Variants in ABCB5 observed in about 807,000 individuals in gnomAD.
ABCB5 encodes the protein ATP-binding cassette sub-family B member 5.
Under a neutral mutation model 144.2 loss-of-function variants are expected in ABCB5, and 155 were observed. The observed-to-expected ratio is 1.08, with a 90% CI of 0.94 to 1.23. ABCB5 has a LOEUF of 1.23. Ranked by LOEUF, ABCB5 falls within the 50% of genes most tolerant of loss-of-function variation. The pLI is 0.00. For missense variants in ABCB5, 1,830 were observed against 1,520.8 expected, an observed-to-expected ratio of 1.20 and a Z score of -3.38; for synonymous variants, 610 against 528.6, an observed-to-expected ratio of 1.15 and a Z score of -2.11.
intron 16 of ABCB5, among the ~76,000 whole-genome samples, chr7:20,695,152 T>C (rs774056196): frequency 6.6e-6 from 1 of 151,924 alleles, no homozygotes; most frequent in Non-Finnish European, 1.5e-5. Context: ...ATAAAGCTAA[T>C]TACTAATTCT....
intron 23 of ABCB5, among the ~76,000 whole-genome samples, chr7:20,730,026 A>C (rs773092966): frequency 1.6e-4 from 25 of 152,222 alleles, no homozygotes; most frequent in Non-Finnish European, 1.6e-4. Context: ...TCACATGAAA[A>C]TTTATTTATT....
rs778620806 is a variant in ABCB5 at position 20,753,472 on chromosome 7, A to G, written c.3542A>G (p.Glu1181Gly). 2.8e-5 allele frequency: 45 copies of G among 1,613,948 alleles called. No individual in the cohort carries two copies. The highest frequency in any genetic ancestry group is 3.8e-5 in the Non-Finnish European group (45 of 1,179,954). Residue 1181 changes from glutamate to glycine, a missense_variant, in exon 27 of 28, where the codon GAG becomes GGG. Coordinates refer to ENST00000404938, the MANE Select transcript of ABCB5 (RefSeq NM_001163941.2). Reference protein sequence around the residue: ...LQKPKILLLDEATSALDNDSE... With the variant: ...LQKPKILLLDGATSALDNDSE... The stretch of plus-strand genomic sequence containing the variant: ...AAACCCAAAATTTTATTGTTGGATG[A>G]GGCCACTTCAGCCCTCGATAATGAC...
At position 20,624,270 on chromosome 7, in the gene ABCB5, T is replaced by C. The variant is rs182507594; in HGVS notation, c.53+932T>C. ...GGCATATATTCCACAGGAAGCATTG[T>C]AACTGTACAGTTAAGAGTTTGGGTT... On this transcript the variant is annotated intron_variant, in intron 2 of 27. Coordinates refer to ENST00000404938, the MANE Select transcript of ABCB5 (RefSeq NM_001163941.2). Among the ~76,000 whole-genome samples, 465 of 152,340 alleles carry C rather than the reference T, an allele frequency of 3.1e-3. 11 individuals are homozygous for C. The highest frequency in any genetic ancestry group is 0.028 in the Admixed American group (425 of 15,304).
At chr7:20,685,555 G>A (rs1308765888) in intron 15 of ABCB5, 141 bp from the exon 16 acceptor site, 1 of 677,926 alleles carries the variant, frequency 1.5e-6, no homozygotes, top group Non-Finnish European at 2.4e-6. Context: ...TATCAAGCCT[G>A]AAAGCTGTTC....
At chr7:20,680,313 C>T (rs1472746968) in intron 14 of ABCB5, among the ~76,000 whole-genome samples, 1 of 152,112 alleles carries the variant, frequency 6.6e-6, no homozygotes, top group Non-Finnish European at 1.5e-5. Context: ...AATCCCAGCA[C>T]TTTGGGAGGC....
At chr7:20,708,150 A>G (rs559117470) in intron 20 of ABCB5, among the ~76,000 whole-genome samples, 1 of 152,274 alleles carries the variant, frequency 6.6e-6, no homozygotes, top group South Asian at 2.1e-4. Flanking sequence ...AAGTGTGTAA[A>G]ACAACTTGAC....
intron 3 of ABCB5, among the ~76,000 whole-genome samples, chr7:20,627,411 G>C (rs1188259991): frequency 2.0e-5 from 3 of 152,050 alleles, no homozygotes; most frequent in African/African-American, 7.2e-5. Flanking sequence ...ACGATGAATG[G>C]AAAAATAATA....
chr7:20,711,864 TCCTCC>T (rs1787081279), intron 20 of ABCB5, among the ~76,000 whole-genome samples: 4 of 42,270 alleles, frequency 9.5e-5, no homozygotes, highest in Admixed American at 2.7e-4. Flanking sequence ...TTTCTTTCCT[TCCTCC>T]CTCCCTCCCT....
chr7:20,698,493 T>G lies in ABCB5; in HGVS notation c.2097T>G (p.Ser699=), dbSNP rs760188248. ...TTGTGGTTCTGGGGACATTGGCTTCTGTTCTAAATGGAACTGTTCATCCAG... is the reference window on the plus strand; with the variant it reads ...TTGTGGTTCTGGGGACATTGGCTTCGGTTCTAAATGGAACTGTTCATCCAG... ...WPFVVLGTLA[S]VLNGTVHPVF... Residue 699 remains serine (S), a synonymous_variant, in exon 17 of 28, where the codon TCT becomes TCG. Transcript: ENST00000404938. 1.9e-6 allele frequency: 3 copies of G among 1,605,702 alleles called. No individual in the cohort carries two copies. In the South Asian group the frequency reaches 3.4e-5, roughly 18 times the overall value.
In ABCB5 at chr7:20,691,004, A is replaced by G. The variant is rs942689007; in HGVS notation, c.2010+5168A>G. On this transcript the variant is annotated intron_variant, in intron 16 of 27. Transcript: ENST00000404938. ...ATAGAACTAAGAAACTGAACAAAAT[A>G]TGTGAAATAATGGCTTCTGACATTG... Among the ~76,000 whole-genome samples, 4 of 152,126 alleles carry G rather than the reference A, an allele frequency of 2.6e-5. No individual in the cohort carries two copies. In the South Asian group the frequency reaches 8.3e-4, roughly 32 times the overall value.
intron 20 of ABCB5, among the ~76,000 whole-genome samples, chr7:20,719,074 G>A (rs944521749): frequency 5.3e-5 from 8 of 152,146 alleles, no homozygotes; most frequent in Non-Finnish European, 1.0e-4. Flanking sequence ...CTGCATGCAC[G>A]TAATAAACCA....
At chr7:20,662,445 A>G (rs1279250246) in intron 14 of ABCB5, among the ~76,000 whole-genome samples, 2 of 152,220 alleles carry the variant, frequency 1.3e-5, no homozygotes, top group African/African-American at 4.8e-5. Context: ...TGATTATCCA[A>G]AGTCGAAGTT....
chr7:20,655,397 C>T (rs1290853958), intron 13 of ABCB5, among the ~76,000 whole-genome samples: 1 of 152,230 alleles, frequency 6.6e-6, no homozygotes, highest in East Asian at 1.9e-4. Flanking sequence ...CACTTGAACT[C>T]AGGAGGCAAA....
chr7:20,737,326 G>GGCTTTT (rs1206847949), intron 23 of ABCB5, among the ~76,000 whole-genome samples: 1 of 151,972 alleles, frequency 6.6e-6, no homozygotes, highest in Non-Finnish European at 1.5e-5. Context: ...ACGGTATCAG[G>GGCTTTT]GCTTTTGCTT....
chr7:20,705,009 T>C (rs1379257361), intron 20 of ABCB5, among the ~76,000 whole-genome samples: 2 of 152,032 alleles, frequency 1.3e-5, no homozygotes, highest in Non-Finnish European at 2.9e-5. Flanking sequence ...TAACCAAAAA[T>C]AGAGAATATT....
At chr7:20,697,129 T>G (rs563409899) in intron 16 of ABCB5, among the ~76,000 whole-genome samples, 14 of 152,290 alleles carry the variant, frequency 9.2e-5, no homozygotes, top group African/African-American at 3.4e-4. Context: ...GTGCCCTTTT[T>G]GATGATGAGC....
intron 13 of ABCB5, among the ~76,000 whole-genome samples, chr7:20,657,827 T>C (rs947703979): frequency 1.3e-5 from 2 of 152,120 alleles, no homozygotes; most frequent in African/African-American, 4.8e-5. Flanking sequence ...AAATTAAGGG[T>C]TTAGAAAGAA....
rs78613061 is a variant in ABCB5 at position 20,637,837 on chromosome 7, T to C, written c.315-5347T>C. Reference sequence around the variant, plus strand: ...GGGGCAAACTAGACAGCCAACTCCGTGTTAGATTAGCATATAGTAAGTGCT... The same window carrying C: ...GGGGCAAACTAGACAGCCAACTCCGCGTTAGATTAGCATATAGTAAGTGCT... On this transcript the variant is annotated intron_variant, in intron 5 of 27. Coordinates refer to ENST00000404938, the MANE Select transcript of ABCB5 (RefSeq NM_001163941.2). Among the ~76,000 whole-genome samples the C allele has an allele frequency of 7.7e-3, 1,174 of 152,268 alleles. 43 individuals are homozygous for C. Among genetic ancestry groups the C allele is most frequent in the Admixed American group, 0.056 (861 of 15,274 alleles).
intron 23 of ABCB5, among the ~76,000 whole-genome samples, chr7:20,731,775 T>C (rs73687887): frequency 0.036 from 5,463 of 152,238 alleles, 324 homozygotes; most frequent in African/African-American, 0.12. Context: ...CTTGCCATTG[T>C]CCACCACATA....
Sources: gnomAD v4.1 joint callset for allele counts (sites outside exome capture counted in the v4.1 genomes callset) on GRCh38, gnomAD v4.1.1 for gene constraint, MANE v1.5 for transcripts, NCBI Gene and HGNC (gene_info 2026-07-23, HGNC 2026-07-21) for gene names.